Variants in ADGB observed in about 807,000 individuals in gnomAD.
ADGB encodes androglobin.
In ADGB, 172 loss-of-function variants were observed where a neutral mutation model predicts 210.5. The ratio of observed to expected loss-of-function variants is 0.82; its 90% CI spans 0.72 to 0.93. ADGB has a LOEUF of 0.93. ADGB is among the 40% of genes least tolerant of loss of function. The probability of loss-of-function intolerance (pLI) is 0.00; values close to 1 mark genes in which losing one functional copy is unlikely to be tolerated. For synonymous variants in ADGB, 658 were observed against 662.7 expected, an observed-to-expected ratio of 0.99 and a Z score of 0.11; for missense variants, 2,025 against 1,964.8, an observed-to-expected ratio of 1.03 and a Z score of -0.58.
chr6:146,659,765 G>A (rs1308605871), intron 5 of ADGB, among the ~76,000 whole-genome samples: 2 of 152,110 alleles, frequency 1.3e-5, no homozygotes, highest in Non-Finnish European at 2.9e-5. Context: ...TACTAATGCT[G>A]GGACACATAT....
chr6:146,736,304 C>T (rs959808261), intron 22 of ADGB, among the ~76,000 whole-genome samples, 194 bp from the exon 23 acceptor site: 6 of 152,088 alleles, frequency 3.9e-5, no homozygotes, highest in Non-Finnish European at 7.4e-5. Context: ...CAGCATAACA[C>T]GGTGAGCAGA....
chr6:146,808,989 G>A (rs1161472731), intron 35 of ADGB, among the ~76,000 whole-genome samples: 8 of 151,614 alleles, frequency 5.3e-5, no homozygotes, highest in African/African-American at 1.5e-4. Context: ...GGGAGCCCAC[G>A]CTATTTATTG....
At chr6:146,611,718 C>A (rs1013644860) in intron 1 of ADGB, among the ~76,000 whole-genome samples, 1 of 152,104 alleles carries the variant, frequency 6.6e-6, no homozygotes, top group African/African-American at 2.4e-5. Context: ...AAATAATATG[C>A]CTGTCTTCTT....
At position 146,691,118 on chromosome 6, in the gene ADGB, A is replaced by T. The variant is rs890586047; in HGVS notation, c.1314A>T (p.Ala438=). The T allele has an allele frequency of 4.0e-6, 6 of 1,518,020 alleles. No individual in the cohort carries two copies. The African/African-American group carries it at 8.4e-5, about 21-fold the overall frequency. 94.0% of individuals were successfully genotyped at this position (1,518,020 alleles called of 1,614,324 possible). Residue 438 remains alanine (A), a splice_region_variant and synonymous_variant, in exon 11 of 36, where the codon GCA becomes GCT. Transcript: ENST00000397944. ...TCAATTTACTTTCCATCTTCTAGGC[A>T]GATTCTGCTGAGAAACTTAGAGAAT... is the stretch of plus-strand genomic sequence containing the variant. ...ENKIFSLEKM[A]DSAEKLREYG...
Position 146,763,970 on chromosome 6 carries a change from C to T in ADGB, c.3620C>T (p.Ala1207Val). 6.4e-7 allele frequency: 1 copy of T among 1,551,510 alleles called. No individual in the cohort carries two copies. The highest frequency in any genetic ancestry group is 8.7e-7 in the Non-Finnish European group (1 of 1,146,880). ...KEQEVYVKKK[A>V]AQGIQKSPKG... is the part of the protein sequence containing the mutation. ...CAAGAAGTGTATGTTAAGAAGAAAG[C>T]TGCTCAGGGAATTCAGAAATCCCCC... Residue 1207 changes from alanine (A) to valine (V), a missense_variant, in exon 28 of 36, where the codon GCT (alanine) becomes GTT (valine). Physicochemically the swap from Ala to Val is moderately conservative, Grantham distance 64. Coordinates refer to ENST00000397944, the MANE Select transcript of ADGB (RefSeq NM_024694.4).
Position 146,641,652 on chromosome 6 carries a change from G to A in ADGB, c.238-3121G>A, listed in dbSNP as rs563228307. On this transcript the variant is annotated intron_variant, in intron 2 of 35. Transcript: ENST00000397944. ...CAAAGCTGACAAAAACAAGCAATGG[G>A]GAAAAGACTCCCCATTCAATAAATG... Among the ~76,000 whole-genome samples, 211 of 151,910 alleles carry A rather than the reference G, an allele frequency of 1.4e-3. 1 individual carries two copies. Among genetic ancestry groups the A allele is most frequent in the African/African-American group, 4.8e-3 (201 of 41,458 alleles).
intron 12 of ADGB, among the ~76,000 whole-genome samples, chr6:146,699,197 T>G (rs1207224575): frequency 6.6e-6 from 1 of 152,004 alleles, no homozygotes; most frequent in Non-Finnish European, 1.5e-5. Flanking sequence ...GCTCATTGGT[T>G]ATGGAAGCTG....
At chr6:146,694,209 T>C (rs897004599) in intron 12 of ADGB, among the ~76,000 whole-genome samples, 1 of 152,190 alleles carries the variant, frequency 6.6e-6, no homozygotes, top group Non-Finnish European at 1.5e-5. Context: ...TCTTAGCCTG[T>C]TTGGGCTGCT....
At chr6:146,605,880 A>C (rs1371072071) in intron 1 of ADGB, among the ~76,000 whole-genome samples, 1 of 152,210 alleles carries the variant, frequency 6.6e-6, no homozygotes, top group Non-Finnish European at 1.5e-5. Context: ...TGCTACAATG[A>C]ATATACACAT....
At chr6:146,792,450 G>A (rs1011125244) in intron 33 of ADGB, among the ~76,000 whole-genome samples, 19 of 152,026 alleles carry the variant, frequency 1.2e-4, no homozygotes, top group African/African-American at 4.1e-4. Context: ...TCTGCACTGT[G>A]CTCTGAAACT....
Position 146,815,172 on chromosome 6 carries a change from C to A in ADGB, c.4959C>A (p.Thr1653=). 1 of 1,524,282 alleles carries A rather than the reference C, an allele frequency of 6.6e-7. No individual in the cohort carries two copies. The highest frequency in any genetic ancestry group is 8.8e-7 in the Non-Finnish European group (1 of 1,140,604). 94.4% of individuals were successfully genotyped at this position (1,524,282 alleles called of 1,614,324 possible). A position where few individuals can be genotyped will look rare whatever the true frequency, so the allele number is the denominator to read the frequency against. ...AAMKLETEKM[T]PAPDTQKKKK... Reference sequence around the variant, plus strand: ...TGAAGCTGGAGACAGAAAAGATGACCCCAGCTCCTGACACACAGAAAAAAA... The same window carrying A: ...TGAAGCTGGAGACAGAAAAGATGACACCAGCTCCTGACACACAGAAAAAAA... The change falls in exon 36 of 36, where the codon ACC becomes ACA. Residue 1653 remains threonine, a synonymous_variant. Transcript: ENST00000397944.
intron 3 of ADGB, among the ~76,000 whole-genome samples, chr6:146,647,142 AAAAC>A (rs1178928382): frequency 2.6e-5 from 4 of 151,352 alleles, no homozygotes; most frequent in African/African-American, 4.8e-5. Flanking sequence ...AAAAACACAA[AAAAC>A]AAACAAACAA....
chr6:146,664,499 C>T, intron 6 of ADGB, 159 bp downstream of exon 6: 1 of 678,572 alleles, frequency 1.5e-6, no homozygotes, highest in Non-Finnish European at 2.2e-6. Context: ...ACGCCAAAAC[C>T]ACTGATTTTT....
chr6:146,653,617 T>A (rs554962490), intron 3 of ADGB, among the ~76,000 whole-genome samples: 1 of 151,910 alleles, frequency 6.6e-6, no homozygotes, highest in South Asian at 2.1e-4. Flanking sequence ...AGGGAGAGGA[T>A]CAGGAAAAAT....
At chr6:146,742,224 G>T (rs1173795671) in intron 25 of ADGB, among the ~76,000 whole-genome samples, 1 of 151,954 alleles carries the variant, frequency 6.6e-6, no homozygotes, top group Non-Finnish European at 1.5e-5. Context: ...TGATACATAT[G>T]TGTGTATATG....
intron 1 of ADGB, among the ~76,000 whole-genome samples, chr6:146,620,725 T>G (rs1780876210): frequency 6.6e-6 from 1 of 152,188 alleles, no homozygotes; most frequent in Non-Finnish European, 1.5e-5. Context: ...CTGTCAGGTA[T>G]TTCTGTGATT....
intron 5 of ADGB, among the ~76,000 whole-genome samples, chr6:146,662,436 T>C (rs1284843845): frequency 6.6e-6 from 1 of 152,166 alleles, no homozygotes; most frequent in Admixed American, 6.6e-5. Flanking sequence ...AGTTGCTTTT[T>C]AGTTTAATTT....
intron 11 of ADGB, among the ~76,000 whole-genome samples, 192 bp downstream of exon 11, chr6:146,691,482 A>G (rs1776323626): frequency 1.6e-4 from 2 of 12,888 alleles, no homozygotes. Context: ...ATATAAATAT[A>G]TATATATATA....
intron 11 of ADGB, among the ~76,000 whole-genome samples, chr6:146,691,816 T>C (rs1376550747): frequency 6.6e-6 from 1 of 151,866 alleles, no homozygotes; most frequent in Non-Finnish European, 1.5e-5. Flanking sequence ...TGTAGCAAAG[T>C]GCATCTGCTT....
Sources: allele counts gnomAD v4.1 joint callset (sites outside exome capture counted in the v4.1 genomes callset), GRCh38; gene constraint gnomAD v4.1.1; transcripts MANE v1.5; gene names NCBI Gene and HGNC (gene_info 2026-07-23, HGNC 2026-07-21).